SLC19A3: variants seen among roughly 807,000 people sequenced by gnomAD.
SLC19A3 encodes solute carrier family 19 member 3.
SLC19A3 carries 31 observed loss-of-function variants against 40.2 expected under a neutral mutation model. The ratio of observed to expected loss-of-function variants is 0.77; its 90% CI spans 0.58 to 1.04. The LOEUF (loss-of-function observed/expected upper bound fraction) is 1.04. Ranked by LOEUF, SLC19A3 falls within the 50% of genes least tolerant of loss-of-function variation. SLC19A3 has a pLI of 0.00. For missense variants in SLC19A3, 592 were observed against 596.7 expected (o/e 0.99, Z 0.08); for synonymous variants, 212 against 227.5 (o/e 0.93, Z 0.61).
In SLC19A3 at chr2:227,690,540, T is replaced by C. The variant is rs575736696; in HGVS notation, c.1173-2233A>G. ...GGCTAACACGATGAAACCCCGTCTC[T>C]ACTAAAAATACAAAAAATTAGCTGG... On this transcript the variant is annotated intron_variant, in intron 4 of 5. Transcript: ENST00000644224. Among the ~76,000 whole-genome samples the C allele has an allele frequency of 8.6e-5, 13 of 151,704 alleles. No individual in the cohort carries two copies. The South Asian group carries it at 2.7e-3, about 32-fold the overall frequency.
intron 4 of SLC19A3, among the ~76,000 whole-genome samples, chr2:227,692,057 G>A (rs915951624): frequency 7.2e-5 from 11 of 152,104 alleles, no homozygotes; most frequent in Admixed American, 2.6e-4. Flanking sequence ...CCAATAATAA[G>A]TAATAAGATT....
chr2:227,690,421 A>C (rs1055730069), intron 4 of SLC19A3, among the ~76,000 whole-genome samples: 4 of 152,110 alleles, frequency 2.6e-5, no homozygotes, highest in African/African-American at 9.7e-5. Context: ...AAAAATTGTA[A>C]ATACGGCCAG....
chr2:227,701,709 A>G (rs1695701847), intron 2 of SLC19A3: 1 of 155,538 alleles, frequency 6.4e-6, no homozygotes, highest in South Asian at 2.0e-4. Flanking sequence ...CTGGCATTCC[A>G]GAGAAGGAGG....
intron 1 of SLC19A3, among the ~76,000 whole-genome samples, chr2:227,716,724 C>G (rs1401859187): frequency 6.6e-6 from 1 of 152,066 alleles, no homozygotes; most frequent in African/African-American, 2.4e-5. Flanking sequence ...GGTAATCAAT[C>G]ACTCTGATTC....
intron 1 of SLC19A3, among the ~76,000 whole-genome samples, chr2:227,710,709 G>A (rs116013680): frequency 0.02 from 3,020 of 152,084 alleles, 99 homozygotes; most frequent in African/African-American, 0.069. Flanking sequence ...GCATAAACAC[G>A]TTATCAAAGA....
At chr2:227,717,892 C>A in intron 1 of SLC19A3, 51 bp downstream of exon 1, 4 of 984,658 alleles carry the variant, frequency 4.1e-6, no homozygotes, top group Non-Finnish European at 4.8e-6. Flanking sequence ...CTGCTAAGAC[C>A]GAGGGATGAC....
intron 4 of SLC19A3, chr2:227,695,688 T>C (rs1326382372): frequency 8.5e-6 from 5 of 590,756 alleles, no homozygotes; most frequent in Non-Finnish European, 1.2e-5. Context: ...TTTCCCTTGA[T>C]GACTTAAGGT....
chr2:227,709,829 T>C (rs16823847), intron 1 of SLC19A3, among the ~76,000 whole-genome samples: 1,813 of 152,234 alleles, frequency 0.012, 12 homozygotes, highest in Middle Eastern at 0.027. Context: ...CTGCCAGAAT[T>C]AACCCAGATG....
chr2:227,712,486 G>C (rs1257555138), intron 1 of SLC19A3, among the ~76,000 whole-genome samples: 3 of 152,170 alleles, frequency 2.0e-5, no homozygotes, highest in Admixed American at 1.3e-4. Flanking sequence ...TTAAGACTAG[G>C]AGAGAAAACT....
intron 1 of SLC19A3, 84 bp from the exon 2 acceptor site, chr2:227,702,404 T>C: frequency 1.4e-6 from 2 of 1,474,162 alleles, no homozygotes; most frequent in Admixed American, 1.8e-5. Flanking sequence ...GATTTTTTTT[T>C]TTTTTTTGAG....
At chr2:227,696,899 C>T (rs901366787) in intron 3 of SLC19A3, among the ~76,000 whole-genome samples, 1 of 151,988 alleles carries the variant, frequency 6.6e-6, no homozygotes, top group Non-Finnish European at 1.5e-5. Context: ...AACTCCAGCT[C>T]TACTAAAAAT....
intron 4 of SLC19A3, among the ~76,000 whole-genome samples, chr2:227,691,468 G>A (rs1286973684): frequency 6.6e-6 from 1 of 152,150 alleles, no homozygotes; most frequent in Non-Finnish European, 1.5e-5. Context: ...AATTAGCCAG[G>A]TGTGGTGGTG....
intron 1 of SLC19A3, among the ~76,000 whole-genome samples, chr2:227,716,447 C>T (rs1384225200): frequency 1.3e-5 from 2 of 152,102 alleles, no homozygotes; most frequent in Non-Finnish European, 2.9e-5. Flanking sequence ...CTGACCTTCC[C>T]GGCTCCCAGC....
chr2:227,699,770 G>A (rs763196753), intron 2 of SLC19A3, among the ~76,000 whole-genome samples: 1 of 152,090 alleles, frequency 6.6e-6, no homozygotes, highest in Non-Finnish European at 1.5e-5. Flanking sequence ...GATAAACCCC[G>A]GCAGAAAAAT....
At chr2:227,699,651 T>C in intron 2 of SLC19A3, 87 bp from the exon 3 acceptor site, 1 of 1,107,782 alleles carries the variant, frequency 9.0e-7, no homozygotes. Flanking sequence ...TGCCTCCAAT[T>C]GGAAATTATT....
chr2:227,688,101 T>G, intron 5 of SLC19A3, 65 bp downstream of exon 5: 1 of 1,543,596 alleles, frequency 6.5e-7, no homozygotes, highest in South Asian at 1.1e-5. Flanking sequence ...ATTTAAATAT[T>G]GCTTGTTGTA....
At chr2:227,702,450 G>A in intron 1 of SLC19A3, 130 bp from the exon 2 acceptor site, 3 of 909,270 alleles carry the variant, frequency 3.3e-6, no homozygotes, top group Non-Finnish European at 5.1e-6. Context: ...CTGAAGTGCA[G>A]TGGCATGATC....
At chr2:227,713,430 G>A (rs572296126) in intron 1 of SLC19A3, among the ~76,000 whole-genome samples, 35 of 151,042 alleles carry the variant, frequency 2.3e-4, no homozygotes, top group African/African-American at 7.8e-4. Flanking sequence ...AAAAGAGGGG[G>A]TGGGGCTTTT....
chr2:227,703,853 G>A lies in SLC19A3; in HGVS notation c.-2-1533C>T, dbSNP rs1395601886. On this transcript the variant is annotated intron_variant, in intron 1 of 5. Coordinates refer to ENST00000644224, the MANE Select transcript of SLC19A3 (RefSeq NM_025243.4). The surrounding 1 kb of genome is among the most constrained non-coding windows in gnomAD (Gnocchi z 4.7). ...AAATCCAGGTCATCATCTTCTCTGT[G>A]CATCTGAGACCTAGGACTATGCCAC... 1.3e-5 allele frequency among the ~76,000 whole-genome samples: 2 copies of A among 152,126 alleles called. No individual in the cohort carries two copies. The highest frequency in any genetic ancestry group is 4.8e-5 in the African/African-American group (2 of 41,404).
Sources: gnomAD v4.1 joint callset for allele counts (sites outside exome capture counted in the v4.1 genomes callset) on GRCh38, gnomAD v4.1.1 for gene constraint, Gnocchi (gnomAD v3.1) non-coding constraint, MANE v1.5 for transcripts, NCBI Gene and HGNC (gene_info 2026-07-23, HGNC 2026-07-21) for gene names.